The following MYOM1 variants were observed in gnomAD, a reference collection of about 807,000 sequenced individuals.
MYOM1 encodes myomesin 1, also known as myomesin-1.
Under a neutral mutation model 205.3 loss-of-function variants are expected in MYOM1, and 164 were observed. The observed-to-expected ratio is 0.80, with a 90% CI of 0.70 to 0.91. The LOEUF (loss-of-function observed/expected upper bound fraction) is 0.91. Ranked by LOEUF, MYOM1 falls within the 40% of genes least tolerant of loss-of-function variation. The probability of loss-of-function intolerance (pLI) is 0.00; values close to 1 mark genes in which losing one functional copy is unlikely to be tolerated. For synonymous variants in MYOM1, 772 were observed against 789.4 expected (o/e 0.98, Z 0.37); for missense variants, 2,011 against 2,127.3 (o/e 0.95, Z 1.08).
intron 22 of MYOM1, 150 bp from the exon 23 acceptor site, chr18:3,102,780 C>T (rs997056048): frequency 2.7e-6 from 2 of 735,728 alleles, no homozygotes; most frequent in South Asian, 1.9e-5. Flanking sequence ...GTGGACAGTC[C>T]TACTCCACAA....
chr18:3,226,733 G>T, the MYOM1 span, among the ~76,000 whole-genome samples: 20 of 152,226 alleles, frequency 1.3e-4, no homozygotes, highest in African/African-American at 4.8e-4. The surrounding 1 kb of genome is among the most constrained non-coding windows in gnomAD (Gnocchi z 4.6). Flanking sequence ...TCTATGGCTA[G>T]GTGCTCCCAG....
intron 16 of MYOM1, 75 bp from the exon 17 acceptor site, chr18:3,131,571 G>T: frequency 7.7e-7 from 1 of 1,302,186 alleles, no homozygotes; most frequent in African/African-American, 1.5e-5. Flanking sequence ...TTAATGGAGT[G>T]GATCTGGCTT....
chr18:3,193,765 C>A (rs1259562662), intron 3 of MYOM1, 53 bp downstream of exon 3: 1 of 1,550,828 alleles, frequency 6.4e-7, no homozygotes, highest in East Asian at 2.3e-5. Flanking sequence ...ATTCCTATAG[C>A]ACTTACTATA....
At chr18:3,116,249 TTC>T in intron 21 of MYOM1, 80 bp downstream of exon 21, 1 of 1,395,978 alleles carries the variant, frequency 7.2e-7, no homozygotes, top group African/African-American at 1.4e-5. Flanking sequence ...AGCGGAGATA[TTC>T]TGTTTTATCT....
rs1281957758 is a variant in MYOM1 at position 3,119,987 on chromosome 18, G to C, written c.3000C>G (p.Asn1000Lys). The change falls in exon 20 of 38, where the codon AAC (asparagine) becomes AAG (lysine). Residue 1000 changes from asparagine to lysine, a missense_variant. Coordinates refer to ENST00000356443, the MANE Select transcript of MYOM1 (RefSeq NM_003803.4). ...AVSEEAYKIS[N>K]LKENMVYQFQ... Reference sequence around the variant, plus strand: ...ACTGATACACCATGTTTTCCTTCAAGTTGCTAATCTGCAACATTGACAACA... The same window carrying C: ...ACTGATACACCATGTTTTCCTTCAACTTGCTAATCTGCAACATTGACAACA... 1.3e-6 allele frequency: 2 copies of C among 1,598,220 alleles called. No homozygotes were observed. Among genetic ancestry groups the C allele is most frequent in the Non-Finnish European group, 1.7e-6 (2 of 1,171,844 alleles).
At chr18:3,123,949 G>A (rs531639478) in intron 19 of MYOM1, among the ~76,000 whole-genome samples, 1 of 151,452 alleles carries the variant, frequency 6.6e-6, no homozygotes, top group South Asian at 2.1e-4. Flanking sequence ...AGCCTCCTGA[G>A]TAAAAGGTAT....
intron 19 of MYOM1, among the ~76,000 whole-genome samples, chr18:3,122,935 G>A (rs529798741): frequency 4.1e-4 from 63 of 152,256 alleles, no homozygotes; most frequent in African/African-American, 1.4e-3. Context: ...GTGAAATGTT[G>A]TAAAATTTCC....
At chr18:3,080,327 G>A (rs1351469454) in intron 33 of MYOM1, among the ~76,000 whole-genome samples, 1 of 151,762 alleles carries the variant, frequency 6.6e-6, no homozygotes, top group East Asian at 1.9e-4. Flanking sequence ...TCTGAAACAA[G>A]CATGTCTTAC....
intron 22 of MYOM1, among the ~76,000 whole-genome samples, chr18:3,103,790 C>G: frequency 6.6e-6 from 1 of 152,206 alleles, no homozygotes; most frequent in East Asian, 1.9e-4. Flanking sequence ...CAAGAGGAAA[C>G]CAGTGCCCAA....
At chr18:3,192,091 A>G (rs1362532810) in intron 3 of MYOM1, among the ~76,000 whole-genome samples, 2 of 152,164 alleles carry the variant, frequency 1.3e-5, no homozygotes, top group Non-Finnish European at 2.9e-5. Flanking sequence ...AGCAGGGAGA[A>G]GATGTTAGGA....
intron 29 of MYOM1, among the ~76,000 whole-genome samples, chr18:3,086,831 AG>A (rs2079160692): frequency 6.6e-6 from 1 of 152,218 alleles, no homozygotes; most frequent in Non-Finnish European, 1.5e-5. Flanking sequence ...TGTATGAAAA[AG>A]TAAAGACTTC....
chr18:3,221,390 T>TTA (rs1167388565), upstream of MYOM1, among the ~76,000 whole-genome samples: 5 of 152,206 alleles, frequency 3.3e-5, no homozygotes, highest in African/African-American at 1.2e-4. Flanking sequence ...ATAACTACAG[T>TTA]TAACACTGTT....
intron 26 of MYOM1, among the ~76,000 whole-genome samples, chr18:3,091,960 G>C (rs1300492850): frequency 6.6e-6 from 1 of 152,056 alleles, no homozygotes; most frequent in African/African-American, 2.4e-5. Flanking sequence ...TTGAAGTCCT[G>C]ACCTCAAGTG....
chr18:3,154,445 A>G lies in MYOM1; in HGVS notation c.1643+502T>C, dbSNP rs568050001. ...GCCATCTTGGAAATGAAATATATATATATGTATATATATCTACCTACCTAT... is the reference window on the plus strand; with the variant it reads ...GCCATCTTGGAAATGAAATATATATGTATGTATATATATCTACCTACCTAT... On this transcript the variant is annotated intron_variant, in intron 11 of 37. Coordinates refer to ENST00000356443, the MANE Select transcript of MYOM1 (RefSeq NM_003803.4). Among the ~76,000 whole-genome samples the G allele has an allele frequency of 2.4e-4, 37 of 152,056 alleles. No homozygotes were observed. In the South Asian group the frequency reaches 7.5e-3, roughly 31 times the overall value.
intron 18 of MYOM1, among the ~76,000 whole-genome samples, chr18:3,127,299 ATATATATTT>A (rs1381874389): frequency 4.0e-5 from 2 of 49,900 alleles, no homozygotes; most frequent in African/African-American, 1.8e-4. Context: ...ATATATATAT[ATATATATTT>A]TTTTTTTTTT....
intron 10 of MYOM1, among the ~76,000 whole-genome samples, chr18:3,162,187 GC>G (rs1404931229): frequency 6.6e-6 from 1 of 152,166 alleles, no homozygotes; most frequent in Non-Finnish European, 1.5e-5. Flanking sequence ...AGGAGGGCCT[GC>G]CTTCCTGAGG....
At chr18:3,087,228 T>C (rs1015322222) in intron 29 of MYOM1, among the ~76,000 whole-genome samples, 4 of 152,148 alleles carry the variant, frequency 2.6e-5, no homozygotes, top group Non-Finnish European at 5.9e-5. Context: ...CTCATGAAAT[T>C]TGGACACATC....
chr18:3,072,350 C>CT lies in MYOM1; in HGVS notation c.4709-462dup, dbSNP rs78331937. 9.5e-3 allele frequency among the ~76,000 whole-genome samples: 536 copies of CT among 56,204 alleles called. 38 individuals carry two copies. Among genetic ancestry groups the CT allele is most frequent in the Middle Eastern group, 0.013 (1 of 78 alleles). 36.9% of individuals were successfully genotyped at this position (56,204 alleles called of 152,430 possible). On this transcript the variant is annotated intron_variant, in intron 36 of 37. Transcript: ENST00000356443. Reference sequence around the variant, plus strand: ...AGCAGGCGTGAGCCACCGCACCCGGCTTTTTTTTTTTTTTTTTTTTTGAGG... The same window carrying CT: ...AGCAGGCGTGAGCCACCGCACCCGGCTTTTTTTTTTTTTTTTTTTTTTGAGG...
chr18:3,149,055 T>G lies in MYOM1; in HGVS notation c.1900+90A>C, dbSNP rs2080178737. ...TTTAGAATGTTCTTACCAAAACATC[T>G]TAAGCAATACACACTGCACCCTCCA... On this transcript the variant is annotated intron_variant, in intron 13 of 37. Coordinates refer to ENST00000356443, the MANE Select transcript of MYOM1 (RefSeq NM_003803.4). 4 of 992,584 alleles carry G rather than the reference T, an allele frequency of 4.0e-6. No individual in the cohort carries two copies. In the East Asian group the frequency reaches 9.6e-5, roughly 24 times the overall value. The allele number at this position is 992,584 out of a possible 1,614,324, so 61.5% of individuals were successfully genotyped here. A position where few individuals can be genotyped will look rare whatever the true frequency, so the allele number is the denominator to read the frequency against.
Sources: gnomAD v4.1 joint callset for allele counts (sites outside exome capture counted in the v4.1 genomes callset) on GRCh38, gnomAD v4.1.1 for gene constraint, Gnocchi (gnomAD v3.1) non-coding constraint, MANE v1.5 for transcripts, NCBI Gene and HGNC (gene_info 2026-07-23, HGNC 2026-07-21) for gene names.